The following MSRA variants were observed in gnomAD, a reference collection of about 807,000 sequenced individuals.
MSRA encodes mitochondrial peptide methionine sulfoxide reductase.
Under a neutral mutation model 31.3 loss-of-function variants are expected in MSRA, and 54 were observed. The ratio of observed to expected loss-of-function variants is 1.73; its 90% confidence interval spans 1.39 to 2.17. MSRA has a LOEUF of 2.17. Ranked by LOEUF, MSRA falls within the 30% of genes most tolerant of loss-of-function variation. MSRA has a pLI of 0.00. For missense variants in MSRA, 507 were observed against 300.9 expected, an observed-to-expected ratio of 1.69 and a Z score of -5.07; for synonymous variants, 169 against 116.5, an observed-to-expected ratio of 1.45 and a Z score of -2.90.
At chr8:10,322,872 A>G (rs1344788346) in intron 5 of MSRA, among the ~76,000 whole-genome samples, 1 of 152,182 alleles carries the variant, frequency 6.6e-6, no homozygotes, top group Non-Finnish European at 1.5e-5. Flanking sequence ...TGGGCGGATC[A>G]TGAGGTCAGG....
chr8:10,388,853 C>G (rs1806558754), intron 5 of MSRA, among the ~76,000 whole-genome samples: 2 of 151,652 alleles, frequency 1.3e-5, no homozygotes, highest in Non-Finnish European at 2.9e-5. Context: ...CTTGCTGCTT[C>G]CCCTGCGACC....
intron 1 of MSRA, among the ~76,000 whole-genome samples, chr8:10,144,996 C>G (rs1429796367): frequency 6.6e-6 from 1 of 152,120 alleles, no homozygotes; most frequent in Non-Finnish European, 1.5e-5. Context: ...CCTTTCCCCT[C>G]CCCCCGCCTC....
intron 1 of MSRA, among the ~76,000 whole-genome samples, chr8:10,149,099 G>C (rs953422215): frequency 2.7e-5 from 4 of 150,680 alleles, no homozygotes; most frequent in Non-Finnish European, 5.9e-5. Flanking sequence ...AGGATTATAG[G>C]CACATGCCAC....
intron 4 of MSRA, among the ~76,000 whole-genome samples, chr8:10,319,172 C>G (rs182380155): frequency 6.6e-6 from 1 of 152,168 alleles, no homozygotes; most frequent in Non-Finnish European, 1.5e-5. Context: ...AGGAATGTGA[C>G]TAGCTGAAAC....
At chr8:10,393,891 A>C (rs1806923408) in intron 5 of MSRA, among the ~76,000 whole-genome samples, 1 of 152,222 alleles carries the variant, frequency 6.6e-6, no homozygotes, top group East Asian at 1.9e-4. Flanking sequence ...TAGGGTTGGC[A>C]TGAAGATACT....
chr8:10,187,708 T>C (rs931629222), intron 1 of MSRA, among the ~76,000 whole-genome samples: 1 of 152,254 alleles, frequency 6.6e-6, no homozygotes, highest in South Asian at 2.1e-4. Context: ...TTGCTATTAT[T>C]GTTTTTAAAT....
At chr8:10,239,955 G>A (rs908295526) in intron 2 of MSRA, among the ~76,000 whole-genome samples, 1 of 152,204 alleles carries the variant, frequency 6.6e-6, no homozygotes, top group East Asian at 1.9e-4. Flanking sequence ...GGCTATTCCA[G>A]TGCTTTTTCA....
rs1809393621 is a variant in MSRA at position 10,210,639 on chromosome 8, A to C, written c.211+2738A>C. Among the ~76,000 whole-genome samples the C allele has an allele frequency of 3.9e-5, 6 of 152,164 alleles. No individual in the cohort carries two copies. The South Asian group carries it at 1.2e-3, about 32-fold the overall frequency. On this transcript the variant is annotated intron_variant, in intron 2 of 5. Transcript: ENST00000317173. ...CTTACATTCCCTTGACTGTGAGTTC[A>C]TCAAAACAGTGATGGCACTTGTAAT...
At chr8:10,142,734 G>C (rs1264248350) in intron 1 of MSRA, among the ~76,000 whole-genome samples, 10 of 152,130 alleles carry the variant, frequency 6.6e-5, no homozygotes, top group Admixed American at 6.6e-4. Context: ...ATTTTTCCCG[G>C]ACTATTTGAT....
At chr8:10,293,619 C>T (rs989209288) in intron 3 of MSRA, among the ~76,000 whole-genome samples, 6 of 152,202 alleles carry the variant, frequency 3.9e-5, no homozygotes, top group South Asian at 2.1e-4. Context: ...ATCTGGACAG[C>T]GAAGAAAGGT....
chr8:10,339,313 C>T (rs1461359629), intron 5 of MSRA, among the ~76,000 whole-genome samples: 1 of 152,152 alleles, frequency 6.6e-6, no homozygotes, highest in Non-Finnish European at 1.5e-5. Flanking sequence ...AATAACTTTT[C>T]TTCAGAAGGC....
At position 10,408,263 on chromosome 8, in the gene MSRA, G is replaced by A. The variant is rs538238609; in HGVS notation, c.544-19885G>A. Among the ~76,000 whole-genome samples the A allele has an allele frequency of 3.9e-5, 6 of 152,302 alleles. No individual in the cohort carries two copies. In the East Asian group the frequency reaches 7.7e-4, roughly 20 times the overall value. On this transcript the variant is annotated intron_variant, in intron 5 of 5. Transcript: ENST00000317173. ...ATTTAAAGAGGAACATGGGCTGGGC[G>A]TGGTGGCTCATGCTTGTAATCCCAG...
At chr8:10,085,592 A>T (rs952902268) in intron 1 of MSRA, among the ~76,000 whole-genome samples, 3 of 152,174 alleles carry the variant, frequency 2.0e-5, no homozygotes, top group African/African-American at 2.4e-5. Context: ...TTATGTGTCC[A>T]TATTGAGGTA....
chr8:10,210,299 A>G (rs1372970744), intron 2 of MSRA, among the ~76,000 whole-genome samples: 3 of 152,184 alleles, frequency 2.0e-5, no homozygotes, highest in Non-Finnish European at 4.4e-5. Flanking sequence ...GTTTGAGCCC[A>G]AGTCTAATTG....
At position 10,333,551 on chromosome 8, in the gene MSRA, C is replaced by T. The variant is rs972738390; in HGVS notation, c.543+13562C>T. On this transcript the variant is annotated intron_variant, in intron 5 of 5. Coordinates refer to ENST00000317173, the MANE Select transcript of MSRA (RefSeq NM_012331.5). ...TTGTGTATGACCTTGGGTTGTTGAC[C>T]TGTCTAAGCCTAGGTTTTCTTATTT... Among the ~76,000 whole-genome samples the T allele has an allele frequency of 7.9e-5, 12 of 152,250 alleles. No homozygotes were observed. In the East Asian group the frequency reaches 2.3e-3, roughly 29 times the overall value.
At chr8:10,113,292 C>CTTTTGTTTTTTTTTTTTTTT (rs1800428905) in intron 1 of MSRA, among the ~76,000 whole-genome samples, 1 of 57,596 alleles carries the variant, frequency 1.7e-5, no homozygotes, top group Non-Finnish European at 2.9e-5. Context: ...GACAGGTCTT[C>CTTTTGTTTTTTTTTTTTTTT]TTTTTTTTTT....
At chr8:10,331,832 T>C (rs747853893) in intron 5 of MSRA, among the ~76,000 whole-genome samples, 7 of 152,252 alleles carry the variant, frequency 4.6e-5, no homozygotes, top group Non-Finnish European at 1.0e-4. Context: ...ACTATTAATA[T>C]ATTAAAATAG....
At chr8:10,257,609 C>T (rs543482782) in intron 3 of MSRA, among the ~76,000 whole-genome samples, 4 of 151,962 alleles carry the variant, frequency 2.6e-5, no homozygotes, top group African/African-American at 4.8e-5. Flanking sequence ...GGTTTCATCA[C>T]GTTGGCCAGG....
At chr8:10,167,762 C>T (rs1805265469) in intron 1 of MSRA, among the ~76,000 whole-genome samples, 2 of 152,118 alleles carry the variant, frequency 1.3e-5, no homozygotes, top group African/African-American at 2.4e-5. Context: ...TGGGTCCATG[C>T]ATGAATGCTG....
Sources: allele counts gnomAD v4.1 joint callset (sites outside exome capture counted in the v4.1 genomes callset), GRCh38; gene constraint gnomAD v4.1.1; transcripts MANE v1.5; gene names NCBI Gene and HGNC (gene_info 2026-07-23, HGNC 2026-07-21).